DMD: variants seen among roughly 807,000 people sequenced by gnomAD.
The protein encoded by DMD is dystrophin.
Under a neutral mutation model 330.1 loss-of-function variants are expected in DMD, and 63 were observed. The ratio of observed to expected loss-of-function variants is 0.19; its 90% CI spans 0.16 to 0.24. DMD has a LOEUF of 0.24. Among genes scored for constraint, DMD ranks in the 10% least tolerant of loss-of-function variants. The pLI, the probability that DMD is intolerant of heterozygous loss-of-function variation, is 1.00. For synonymous variants in DMD, 1,223 were observed against 959.8 expected (o/e 1.27, Z -5.07); for missense variants, 3,344 against 2,684.1 (o/e 1.25, Z -5.43).
intron 1 of DMD, among the ~76,000 whole-genome samples, chrX:33,073,795 G>A (rs1406905532): frequency 1.8e-5 from 2 of 108,636 alleles, no homozygotes; most frequent in East Asian, 2.9e-4. Context: ...TCGCATCACC[G>A]CACTCCATCC....
chrX:32,400,192 T>C (rs184046816), intron 30 of DMD, among the ~76,000 whole-genome samples: 6 of 111,942 alleles, frequency 5.4e-5, no homozygotes, highest in East Asian at 5.6e-4. Flanking sequence ...TGTCAAAGGC[T>C]TTTTCTGCAT....
intron 62 of DMD, among the ~76,000 whole-genome samples, chrX:31,271,129 G>C (rs1251716540): frequency 7.2e-5 from 8 of 111,847 alleles, no homozygotes; most frequent in Admixed American, 5.7e-4. Context: ...CATTGTCCTT[G>C]AGTGACAACA....
At chrX:32,573,400 A>T in intron 15 of DMD, 130 bp downstream of exon 15, 1 of 553,815 alleles carries the variant, frequency 1.8e-6, no homozygotes, top group Non-Finnish European at 3.0e-6. Flanking sequence ...GCAATATAAC[A>T]TCTTTGAATA....
At chrX:32,837,151 C>T (rs923985167) in intron 4 of DMD, among the ~76,000 whole-genome samples, 4 of 111,948 alleles carry the variant, frequency 3.6e-5, no homozygotes, top group East Asian at 2.8e-4. Flanking sequence ...TGCAGATTCT[C>T]AAGTCCTCAT....
intron 48 of DMD, among the ~76,000 whole-genome samples, chrX:31,850,110 T>A (rs1259508798): frequency 9.0e-6 from 1 of 111,054 alleles, no homozygotes; most frequent in Non-Finnish European, 1.9e-5. Flanking sequence ...TGTGTTCTCA[T>A]CACTTAGCTC....
At chrX:31,719,281 A>G (rs2085296936) in intron 52 of DMD, among the ~76,000 whole-genome samples, 1 of 112,401 alleles carries the variant, frequency 8.9e-6, no homozygotes, top group African/African-American at 3.2e-5. Flanking sequence ...CCAGAAATCA[A>G]GAATGGGGAT....
chrX:32,968,085 A>T (rs190644447), intron 2 of DMD, among the ~76,000 whole-genome samples: 56 of 112,116 alleles, frequency 5.0e-4, no homozygotes, highest in African/African-American at 1.7e-3. Context: ...GGCATGGAGT[A>T]TAGTCCCCAA....
chrX:32,591,523 A>G (rs1420886517), intron 13 of DMD, among the ~76,000 whole-genome samples: 1 of 112,013 alleles, frequency 8.9e-6, no homozygotes, highest in Non-Finnish European at 1.9e-5. Flanking sequence ...AAGTTTTTAT[A>G]AACCACGCTC....
chrX:32,390,811 T>C (rs926779391), intron 30 of DMD, among the ~76,000 whole-genome samples: 1 of 111,588 alleles, frequency 9.0e-6, no homozygotes, highest in East Asian at 2.8e-4. Flanking sequence ...TGAGCCACTG[T>C]GCCTGGCCTT....
At chrX:31,768,293 C>T (rs1336738690) in intron 51 of DMD, among the ~76,000 whole-genome samples, 2 of 111,019 alleles carry the variant, frequency 1.8e-5, no homozygotes, top group African/African-American at 3.3e-5. Context: ...CTGGGAACCT[C>T]TCTTCATATT....
intron 62 of DMD, among the ~76,000 whole-genome samples, chrX:31,321,091 A>C (rs2148273934): frequency 9.0e-6 from 1 of 111,697 alleles, no homozygotes; most frequent in East Asian, 2.8e-4. Context: ...GAAAAATAAA[A>C]TTCCTGTTTT....
chrX:32,364,071 AAAAG>A (rs1293569840), intron 36 of DMD, among the ~76,000 whole-genome samples: 1 of 112,150 alleles, frequency 8.9e-6, no homozygotes, highest in Non-Finnish European at 1.9e-5. Flanking sequence ...TTTTGAGACT[AAAAG>A]AAAGAACCCA....
chrX:33,163,618 CTCTA>C (rs74647711), intron 1 of DMD, among the ~76,000 whole-genome samples: 58 of 24,847 alleles, frequency 2.3e-3, no homozygotes, highest in East Asian at 0.015. Flanking sequence ...CTATATCTAT[CTCTA>C]TCTATCTATC....
At chrX:33,244,785 T>A (rs773514067) in intron 1 of DMD, among the ~76,000 whole-genome samples, 2 of 111,648 alleles carry the variant, frequency 1.8e-5, no homozygotes, top group Non-Finnish European at 3.8e-5. Flanking sequence ...ATGGAAGAAT[T>A]TATCTGGTAG....
intron 46 of DMD, among the ~76,000 whole-genome samples, chrX:31,931,063 G>A (rs1404221095): frequency 9.0e-6 from 1 of 111,532 alleles, no homozygotes; most frequent in Non-Finnish European, 1.9e-5. Context: ...GTTTGACATT[G>A]GACTCTAATT....
intron 1 of DMD, among the ~76,000 whole-genome samples, chrX:33,160,167 A>AT (rs1487697873): frequency 8.9e-6 from 1 of 112,266 alleles, no homozygotes; most frequent in Non-Finnish European, 1.9e-5. Context: ...TCTGAGCATG[A>AT]TTAAGGTAGG....
At chrX:32,521,957 G>A (rs769593415) in intron 17 of DMD, among the ~76,000 whole-genome samples, 60 of 110,970 alleles carry the variant, frequency 5.4e-4, no homozygotes, top group Non-Finnish European at 9.2e-4. Context: ...TCCACCGTGT[G>A]AGGGCACAGT....
At chrX:32,949,669 A>C (rs2091098824) in intron 2 of DMD, among the ~76,000 whole-genome samples, 1 of 111,250 alleles carries the variant, frequency 9.0e-6, no homozygotes, top group African/African-American at 3.3e-5. Flanking sequence ...AATCTGAAGA[A>C]ATCCTTGGGA....
chrX:32,887,859 T>C (rs1372078079), intron 2 of DMD, among the ~76,000 whole-genome samples: 1 of 91,629 alleles, frequency 1.1e-5, no homozygotes, highest in Non-Finnish European at 2.2e-5. Context: ...AAAATAAAAA[T>C]AGACAAATGA....
Sources: allele counts gnomAD v4.1 joint callset (sites outside exome capture counted in the v4.1 genomes callset), GRCh38; gene constraint gnomAD v4.1.1; transcripts MANE v1.5; gene names NCBI Gene and HGNC (gene_info 2026-07-23, HGNC 2026-07-21).